ATG7: variants seen among roughly 807,000 people sequenced by gnomAD.
ATG7 encodes ubiquitin-like modifier-activating enzyme ATG7.
A neutral mutation model predicts 82.4 loss-of-function variants in ATG7; 70 were observed. The observed-to-expected ratio is 0.85, with a 90% CI of 0.70 to 1.04. The LOEUF (loss-of-function observed/expected upper bound fraction) is 1.04. ATG7 is among the 50% of genes least tolerant of loss of function. The probability of loss-of-function intolerance (pLI) is 0.00; values close to 1 mark genes in which losing one functional copy is unlikely to be tolerated. For missense variants in ATG7, 792 were observed against 864.3 expected, an observed-to-expected ratio of 0.92 and a Z score of 1.05; for synonymous variants, 287 against 313.0, an observed-to-expected ratio of 0.92 and a Z score of 0.88.
At chr3:11,491,399 T>C (rs2090341005) in intron 20 of ATG7, among the ~76,000 whole-genome samples, 1 of 152,190 alleles carries the variant, frequency 6.6e-6, no homozygotes, top group Admixed American at 6.5e-5. Context: ...GTTTTCAACT[T>C]CTTTGCCTTT....
At chr3:11,561,995 G>T (rs2073062764), downstream of ATG7, among the ~76,000 whole-genome samples, 1 of 151,338 alleles carries the variant, frequency 6.6e-6, no homozygotes, top group African/African-American at 2.4e-5. Context: ...CGCCTTCCGG[G>T]TTCAAGCGAT....
At chr3:11,563,422 G>A in the ATG7 span, among the ~76,000 whole-genome samples, 14 of 152,192 alleles carry the variant, frequency 9.2e-5, no homozygotes, top group Non-Finnish European at 1.8e-4. Flanking sequence ...CCTGTGGGTC[G>A]CACTGCGCAC....
At chr3:11,530,440 A>G (rs1028814457) in intron 20 of ATG7, among the ~76,000 whole-genome samples, 1 of 152,186 alleles carries the variant, frequency 6.6e-6, no homozygotes, top group Non-Finnish European at 1.5e-5. Flanking sequence ...GTCTTTCATC[A>G]GTTTTGAGAA....
intron 7 of ATG7, among the ~76,000 whole-genome samples, chr3:11,312,189 A>G (rs77116073): frequency 6.6e-6 from 1 of 152,204 alleles, no homozygotes; most frequent in South Asian, 2.1e-4. Flanking sequence ...TTATATCTCA[A>G]TAAAAAGTCA....
chr3:11,559,259 C>T, downstream of ATG7: 1 of 1,460,934 alleles, frequency 6.8e-7, no homozygotes, highest in Non-Finnish European at 9.1e-7. Context: ...AGGTTTCAGC[C>T]AACAGCATGA....
intron 20 of ATG7, among the ~76,000 whole-genome samples, chr3:11,530,410 A>G (rs2092672482): frequency 6.6e-6 from 1 of 152,080 alleles, no homozygotes; most frequent in Non-Finnish European, 1.5e-5. Context: ...GCTTGGGTAC[A>G]GGAGTGTAGC....
At position 11,340,252 on chromosome 3, in the gene ATG7, C is replaced by T. The variant is rs532060579; in HGVS notation, c.890-393C>T. On this transcript the variant is annotated intron_variant, in intron 11 of 20. Coordinates refer to ENST00000693202, the MANE Select transcript of ATG7 (RefSeq NM_001349232.2). The stretch of plus-strand genomic sequence containing the variant: ...TGAAGGGGTGCTGCAGTTACATTGG[C>T]TTGGCTTGCTTAGATAGAGAAGCCT... Among the ~76,000 whole-genome samples, 21 of 152,042 alleles carry T rather than the reference C, an allele frequency of 1.4e-4. No individual in the cohort carries two copies. In the South Asian group the frequency reaches 3.7e-3, roughly 27 times the overall value.
At chr3:11,311,586 CAG>C (rs1278858878) in intron 7 of ATG7, among the ~76,000 whole-genome samples, 52 of 136,714 alleles carry the variant, frequency 3.8e-4, no homozygotes, top group African/African-American at 1.3e-3. Context: ...GCCTGTGTGA[CAG>C]AGCAAGACTG....
chr3:11,411,214 G>C (rs191301869), intron 19 of ATG7, among the ~76,000 whole-genome samples: 2 of 151,978 alleles, frequency 1.3e-5, no homozygotes, highest in African/African-American at 2.4e-5. Flanking sequence ...GCATCTTTTC[G>C]TGTGCTTATT....
intron 20 of ATG7, among the ~76,000 whole-genome samples, chr3:11,497,050 C>T (rs1430986565): frequency 1.3e-5 from 2 of 151,356 alleles, no homozygotes; most frequent in Non-Finnish European, 2.9e-5. Context: ...GGGGTTTCAC[C>T]GTGTTGGCCA....
At chr3:11,319,455 T>C (rs996721392) in intron 9 of ATG7, among the ~76,000 whole-genome samples, 6 of 152,228 alleles carry the variant, frequency 3.9e-5, no homozygotes, top group African/African-American at 1.4e-4. Context: ...TCCTCATGTG[T>C]AGGATGGAGA....
chr3:11,535,261 C>T (rs1013394327), intron 20 of ATG7, among the ~76,000 whole-genome samples: 1 of 152,216 alleles, frequency 6.6e-6, no homozygotes, highest in Non-Finnish European at 1.5e-5. Context: ...TCATCAGACA[C>T]CCTGCCTGGT....
chr3:11,397,691 A>C (rs1355134162), intron 19 of ATG7, among the ~76,000 whole-genome samples: 1 of 151,550 alleles, frequency 6.6e-6, no homozygotes, highest in Non-Finnish European at 1.5e-5. Context: ...TCCTGACCTC[A>C]AGTGATCCGC....
At position 11,471,745 on chromosome 3, in the gene ATG7, C is replaced by CT. The variant is rs200590021; in HGVS notation, c.2079+44835dup. 8.8e-4 allele frequency among the ~76,000 whole-genome samples: 93 copies of CT among 105,690 alleles called. 3 individuals are homozygous for CT. Among genetic ancestry groups the CT allele is most frequent in the Admixed American group, 1.7e-3 (15 of 8,672 alleles). The allele number at this position is 105,690 out of a possible 152,430, so 69.3% of individuals were successfully genotyped here. A position where few individuals can be genotyped will look rare whatever the true frequency, so the allele number is the denominator to read the frequency against. Reference sequence around the variant, plus strand: ...CTTCATAGATTGGCTTTTTAGATTTCTTTTTTTTTTTTTTTTGAAATGTAG... The same window carrying CT: ...CTTCATAGATTGGCTTTTTAGATTTCTTTTTTTTTTTTTTTTTGAAATGTAG... On this transcript the variant is annotated intron_variant, in intron 20 of 20. Transcript: ENST00000693202.
At chr3:11,564,947 C>T in the ATG7 span, 1 of 1,575,316 alleles carries the variant, frequency 6.3e-7, no homozygotes, top group Non-Finnish European at 8.6e-7. Context: ...TGGTGGGGGC[C>T]ACAGCGCGCT....
intron 11 of ATG7, among the ~76,000 whole-genome samples, chr3:11,334,326 C>T (rs1952072881): frequency 6.6e-6 from 1 of 151,570 alleles, no homozygotes; most frequent in African/African-American, 2.4e-5. Context: ...CTCACTGCAA[C>T]CTCCGCCTCC....
At chr3:11,389,910 C>G (rs1375308151) in intron 19 of ATG7, among the ~76,000 whole-genome samples, 2 of 152,180 alleles carry the variant, frequency 1.3e-5, no homozygotes, top group Non-Finnish European at 2.9e-5. Context: ...CATGCAAAAG[C>G]ATATTTTTGT....
In ATG7 at chr3:11,330,980, T is replaced by A. The variant is rs111370071; in HGVS notation, c.679-360T>A. Reference sequence around the variant, plus strand: ...CATAAAAATGAGCAATTTTCACAGATTATATTTCTTTGTTTACAAGAGGAT... The same window carrying A: ...CATAAAAATGAGCAATTTTCACAGAATATATTTCTTTGTTTACAAGAGGAT... On this transcript the variant is annotated intron_variant, in intron 9 of 20. Transcript: ENST00000693202. 2.8e-4 allele frequency among the ~76,000 whole-genome samples: 42 copies of A among 152,242 alleles called. 1 individual carries two copies. Among genetic ancestry groups the A allele is most frequent in the African/African-American group, 9.4e-4 (39 of 41,548 alleles).
chr3:11,505,889 G>A (rs1412286923), intron 20 of ATG7, among the ~76,000 whole-genome samples: 6 of 152,144 alleles, frequency 3.9e-5, no homozygotes, highest in African/African-American at 1.4e-4. Flanking sequence ...ACAGTGCAGT[G>A]GTAACATCTG....
Sources: gnomAD v4.1 joint callset for allele counts (sites outside exome capture counted in the v4.1 genomes callset) on GRCh38, gnomAD v4.1.1 for gene constraint, MANE v1.5 for transcripts, NCBI Gene and HGNC (gene_info 2026-07-23, HGNC 2026-07-21) for gene names.